CDH1: variants seen among roughly 807,000 people sequenced by gnomAD.
The protein encoded by CDH1 is cadherin 1.
In CDH1, 35 loss-of-function variants were observed where a neutral mutation model predicts 84.5. That is an observed-to-expected ratio of 0.41 (90% CI 0.32 to 0.55). CDH1 has a LOEUF of 0.55. Among genes scored for constraint, CDH1 ranks in the 20% least tolerant of loss-of-function variants. CDH1 has a pLI of 0.19. For synonymous variants in CDH1, 417 were observed against 439.0 expected (o/e 0.95, Z 0.63); for missense variants, 994 against 1,126.6 (o/e 0.88, Z 1.68).
chr16:68,740,997 G>A (rs557072737), intron 2 of CDH1, among the ~76,000 whole-genome samples: 2 of 152,106 alleles, frequency 1.3e-5, no homozygotes, highest in South Asian at 4.2e-4. Context: ...CCAATGTGAA[G>A]TAAGCTGAGA....
chr16:68,762,171 C>T (rs1959236379), intron 2 of CDH1, among the ~76,000 whole-genome samples: 1 of 152,144 alleles, frequency 6.6e-6, no homozygotes. Context: ...TATTCTGACC[C>T]CTCCACTGGG....
intron 2 of CDH1, among the ~76,000 whole-genome samples, chr16:68,798,836 A>G (rs781109557): frequency 1.3e-5 from 2 of 152,048 alleles, no homozygotes; most frequent in African/African-American, 2.4e-5. Context: ...AGAAATTCCT[A>G]TTTTAGACTT....
intron 2 of CDH1, among the ~76,000 whole-genome samples, chr16:68,800,459 T>TG (rs149616205): frequency 0.061 from 9,334 of 152,270 alleles, 375 homozygotes; most frequent in Middle Eastern, 0.12. Flanking sequence ...TGGCCCCTGA[T>TG]GGAAGAAATG....
intron 8 of CDH1, 150 bp from the exon 9 acceptor site, chr16:68,813,163 G>A (rs746851695): frequency 1.3e-6 from 1 of 793,670 alleles, no homozygotes; most frequent in Non-Finnish European, 2.1e-6. Flanking sequence ...GCTACAGTGA[G>A]CCATGATCGC....
At chr16:68,755,839 T>C (rs1963005565) in intron 2 of CDH1, among the ~76,000 whole-genome samples, 1 of 151,062 alleles carries the variant, frequency 6.6e-6, no homozygotes, top group Non-Finnish European at 1.5e-5. Context: ...TCTCGGCTCA[T>C]TGCAACCTCT....
chr16:68,833,488 G>A lies in CDH1; in HGVS notation c.2638G>A (p.Glu880Lys), dbSNP rs34507583. Residue 880 changes from glutamate (E) to lysine (K), a missense_variant, in exon 16 of 16, where the codon GAG becomes AAG. By Grantham distance (56) the Glu-to-Lys change is moderately conservative. Transcript: ENST00000261769. ...GCTGGCTGACATGTACGGAGGCGGC[G>A]AGGACGACTAGGGGACTCGAGAGAG... ...KKLADMYGGG[E>K]DD 86 of 1,613,712 alleles carry A rather than the reference G, an allele frequency of 5.3e-5. No homozygotes were observed. In the East Asian group the frequency reaches 1.6e-3, roughly 31 times the overall value.
At chr16:68,764,151 G>A (rs769304810) in intron 2 of CDH1, among the ~76,000 whole-genome samples, 3 of 152,184 alleles carry the variant, frequency 2.0e-5, no homozygotes, top group Non-Finnish European at 4.4e-5. Flanking sequence ...GAAGCTACCC[G>A]AAGTTGTAGA....
In CDH1 at chr16:68,756,132, A is replaced by ATT. The variant is rs58200081; in HGVS notation, c.163+17736_163+17737dup. Among the ~76,000 whole-genome samples, 99 of 124,572 alleles carry ATT rather than the reference A, an allele frequency of 7.9e-4. 1 individual carries two copies. Among genetic ancestry groups the ATT allele is most frequent in the African/African-American group, 3.1e-3 (86 of 27,698 alleles). The allele number at this position is 124,572 out of a possible 152,430, so 81.7% of individuals were successfully genotyped here. ...TCTAAACAGGCATCATTTAGGGCAT[A>ATT]TTTTTTTTTTTTTTTTGTGCATGTA... On this transcript the variant is annotated intron_variant, in intron 2 of 15. Transcript: ENST00000261769.
Position 68,783,200 on chromosome 16 carries a change from C to T in CDH1, c.164-18470C>T, listed in dbSNP as rs374814086. ...TATCCTGAGCTCAGGAGTTCGAGACCAGCCTGGGTAACATGGCGAAACCCC... is the reference window on the plus strand; with the variant it reads ...TATCCTGAGCTCAGGAGTTCGAGACTAGCCTGGGTAACATGGCGAAACCCC... On this transcript the variant is annotated intron_variant, in intron 2 of 15. Coordinates refer to ENST00000261769, the MANE Select transcript of CDH1 (RefSeq NM_004360.5). Among the ~76,000 whole-genome samples the T allele has an allele frequency of 2.6e-5, 4 of 151,724 alleles. No homozygotes were observed. The South Asian group carries it at 8.3e-4, about 32-fold the overall frequency.
Position 68,834,334 on chromosome 16 carries a change from C to T in CDH1, c.*835C>T, listed in dbSNP as rs749621751. On this transcript the variant is annotated 3_prime_UTR_variant, in exon 16 of 16. Transcript: ENST00000261769. ...CTGGGATGCAGTGATGTGATCATAGCTCACTGTAACCTCAAACTCTGGGGC... is the reference window on the plus strand; with the variant it reads ...CTGGGATGCAGTGATGTGATCATAGTTCACTGTAACCTCAAACTCTGGGGC... 16 of 497,708 alleles carry T rather than the reference C, an allele frequency of 3.2e-5. No individual in the cohort carries two copies. Among genetic ancestry groups the T allele is most frequent in the Non-Finnish European group, 5.9e-5 (15 of 253,800 alleles). The allele number at this position is 497,708 out of a possible 1,614,324, so 30.8% of individuals were successfully genotyped here. A position where few individuals can be genotyped will look rare whatever the true frequency, so the allele number is the denominator to read the frequency against.
intron 2 of CDH1, among the ~76,000 whole-genome samples, chr16:68,752,564 C>CTCTT (rs71382067): frequency 0.57 from 85,606 of 151,426 alleles, 24,408 homozygotes; most frequent in Middle Eastern, 0.61. Context: ...AAACAGATCT[C>CTCTT]TCTAGAGGAT....
intron 2 of CDH1, among the ~76,000 whole-genome samples, chr16:68,775,351 C>A (rs946417106): frequency 6.6e-6 from 1 of 152,100 alleles, no homozygotes; most frequent in Non-Finnish European, 1.5e-5. Flanking sequence ...ATCTAACATC[C>A]AACTCTGATG....
intron 2 of CDH1, among the ~76,000 whole-genome samples, chr16:68,764,287 T>C (rs979544979): frequency 6.6e-6 from 1 of 152,102 alleles, no homozygotes; most frequent in African/African-American, 2.4e-5. Context: ...CAGTCTAAAA[T>C]GGGAGCTGGC....
At position 68,819,491 on chromosome 16, in the gene CDH1, C is replaced by T. The variant is rs983912623; in HGVS notation, c.1711+66C>T. 10 of 1,509,700 alleles carry T rather than the reference C, an allele frequency of 6.6e-6. No homozygotes were observed. In the Admixed American group the frequency reaches 1.5e-4, roughly 23 times the overall value. 93.5% of individuals were successfully genotyped at this position (1,509,700 alleles called of 1,614,324 possible). Reference sequence around the variant, plus strand: ...TAGCTAGTTCAGTTCCTTGCCCCTCCCTTCTTTTGGAGGGAAGAGTTCATT... The same window carrying T: ...TAGCTAGTTCAGTTCCTTGCCCCTCTCTTCTTTTGGAGGGAAGAGTTCATT... On this transcript the variant is annotated intron_variant, in intron 11 of 15. Transcript: ENST00000261769.
intron 2 of CDH1, among the ~76,000 whole-genome samples, chr16:68,800,190 A>T (rs557936139): frequency 9.8e-5 from 14 of 142,330 alleles, no homozygotes; most frequent in South Asian, 4.4e-4. Flanking sequence ...AATATTATTT[A>T]AAAAAAAAAA....
At chr16:68,780,692 A>G (rs1295469494) in intron 2 of CDH1, among the ~76,000 whole-genome samples, 1 of 152,174 alleles carries the variant, frequency 6.6e-6, no homozygotes, top group Non-Finnish European at 1.5e-5. Context: ...ATGAATCAGG[A>G]GTGGCGCTCC....
At chr16:68,770,539 A>G (rs779707248) in intron 2 of CDH1, among the ~76,000 whole-genome samples, 21 of 152,034 alleles carry the variant, frequency 1.4e-4, no homozygotes, top group Non-Finnish European at 3.1e-4. Flanking sequence ...GAACGTGGCA[A>G]TAAATAAGGA....
intron 10 of CDH1, among the ~76,000 whole-genome samples, chr16:68,818,713 G>A (rs925262186): frequency 1.3e-5 from 2 of 151,058 alleles, no homozygotes; most frequent in African/African-American, 4.8e-5. Context: ...AGCCGGGCGT[G>A]ATGGCGGGCG....
chr16:68,815,611 G>A lies in CDH1; in HGVS notation c.1417G>A (p.Val473Ile), dbSNP rs36087757. Residue 473 changes from valine to isoleucine, a missense_variant, in exon 10 of 16, where the codon GTC becomes ATC. By Grantham distance (29) the Val-to-Ile change is conservative. Transcript: ENST00000261769. ...CTCTCTCACCACCTCCACAGCCACC[G>A]TCACCGTGGATGTGCTGGATGTGAA... ...EVSLTTSTATVTVDVLDVNEA... is the reference protein window; with the variant it reads ...EVSLTTSTATITVDVLDVNEA... 6.4e-5 allele frequency: 103 copies of A among 1,614,184 alleles called. No homozygotes were observed. The highest frequency in any genetic ancestry group is 2.2e-4 in the East Asian group (10 of 44,884).
Sources: gnomAD v4.1 joint callset for allele counts (sites outside exome capture counted in the v4.1 genomes callset) on GRCh38, gnomAD v4.1.1 for gene constraint, MANE v1.5 for transcripts, NCBI Gene and HGNC (gene_info 2026-07-23, HGNC 2026-07-21) for gene names.